Variants in PBX1 observed in about 807,000 individuals in gnomAD.
The protein encoded by PBX1 is PBX homeobox 1.
In PBX1, 6 loss-of-function variants were observed where a neutral mutation model predicts 53.4. The ratio of observed to expected loss-of-function variants is 0.11; its 90% CI spans 0.06 to 0.22. PBX1 has a LOEUF of 0.22. PBX1 is among the 10% of genes least tolerant of loss of function. The pLI is 1.00. For missense variants in PBX1, 251 were observed against 551.4 expected, an observed-to-expected ratio of 0.46 and a Z score of 5.46; for synonymous variants, 204 against 212.3, an observed-to-expected ratio of 0.96 and a Z score of 0.34.
chr1:164,761,437 T>A (rs1666805079), intron 2 of PBX1, among the ~76,000 whole-genome samples: 2 of 152,188 alleles, frequency 1.3e-5, no homozygotes, highest in Non-Finnish European at 1.5e-5. Context: ...TCGTCTTTCA[T>A]TGGGACATTA....
intron 2 of PBX1, among the ~76,000 whole-genome samples, chr1:164,791,220 T>C (rs1668490499): frequency 6.6e-6 from 1 of 151,366 alleles, no homozygotes; most frequent in African/African-American, 2.5e-5. Flanking sequence ...GGAGGTTGTC[T>C]GAAGGGGTAG....
chr1:164,867,965 TA>T (rs1672259119), intron 2 of PBX1, among the ~76,000 whole-genome samples: 1 of 152,206 alleles, frequency 6.6e-6, no homozygotes, highest in African/African-American at 2.4e-5. Context: ...ACACTCCTCC[TA>T]ATACCCGTCT....
intron 8 of PBX1, among the ~76,000 whole-genome samples, chr1:164,830,763 C>T (rs537496293): frequency 3.9e-5 from 6 of 152,264 alleles, no homozygotes; most frequent in South Asian, 2.1e-4. Flanking sequence ...GCCTCTGCCT[C>T]GCCGTTTCTT....
At position 164,848,579 on chromosome 1, in the gene PBX1, A is replaced by G; in HGVS notation, c.*1903A>G. The stretch of plus-strand genomic sequence containing the variant: ...CACCGTGATGACAAAGAGAAGAGTT[A>G]TTGTTGATCTTCTTGGTTTTGGTCT... On this transcript the variant is annotated 3_prime_UTR_variant, in exon 9 of 9. Transcript: ENST00000420696. 9.4e-7 allele frequency: 1 copy of G among 1,058,792 alleles called. No individual in the cohort carries two copies. The highest frequency in any genetic ancestry group is 1.1e-6 in the Non-Finnish European group (1 of 875,308). The allele number at this position is 1,058,792 out of a possible 1,614,324, so 65.6% of individuals were successfully genotyped here. A position where few individuals can be genotyped will look rare whatever the true frequency, so the allele number is the denominator to read the frequency against.
chr1:164,716,729 C>CACACACACACAG (rs796685795), intron 2 of PBX1, among the ~76,000 whole-genome samples: 9 of 140,374 alleles, frequency 6.4e-5, no homozygotes, highest in African/African-American at 2.3e-4. Context: ...CACACACACA[C>CACACACACACAG]AGAAATACAC....
intron 2 of PBX1, chr1:164,884,671 T>C (rs192292955): frequency 8.0e-5 from 28 of 349,490 alleles, no homozygotes; most frequent in Middle Eastern, 3.6e-4. Flanking sequence ...TACTGACTTT[T>C]GAAGAAGCAA....
intron 2 of PBX1, among the ~76,000 whole-genome samples, chr1:164,765,472 C>A: frequency 6.6e-6 from 1 of 152,148 alleles, no homozygotes; most frequent in East Asian, 1.9e-4. Context: ...CCTTCTGGTG[C>A]CAGATTTAAG....
chr1:164,596,452 A>G (rs1325204125), intron 2 of PBX1, among the ~76,000 whole-genome samples: 1 of 152,246 alleles, frequency 6.6e-6, no homozygotes, highest in African/African-American at 2.4e-5. Context: ...CAGTGGTTCT[A>G]ACCATGGGTG....
intron 2 of PBX1, among the ~76,000 whole-genome samples, chr1:164,620,911 G>T (rs182499379): frequency 3.1e-4 from 47 of 152,178 alleles, no homozygotes; most frequent in African/African-American, 1.1e-3. Flanking sequence ...TTGAACTCCT[G>T]ACCTCAGGTG....
chr1:164,817,008 G>T (rs2185217), intron 6 of PBX1: 73,466 of 151,868 alleles, frequency 0.48, 17,998 homozygotes, highest in South Asian at 0.58. Flanking sequence ...AAGTGATCCA[G>T]TATTTCTTCT....
chr1:164,629,448 A>T (rs531139382), intron 2 of PBX1, among the ~76,000 whole-genome samples: 8 of 152,214 alleles, frequency 5.3e-5, no homozygotes, highest in Non-Finnish European at 1.0e-4. Flanking sequence ...CAGCAGACCT[A>T]CCTTCTCCCT....
chr1:164,817,867 AT>A (rs1175599042), intron 6 of PBX1: 1 of 152,164 alleles, frequency 6.6e-6, no homozygotes, highest in Non-Finnish European at 1.5e-5. Context: ...TTTAGGCTAG[AT>A]TTACCACAGT....
intron 2 of PBX1, among the ~76,000 whole-genome samples, chr1:164,738,650 A>T (rs919220093): frequency 6.6e-6 from 1 of 152,212 alleles, no homozygotes; most frequent in African/African-American, 2.4e-5. Flanking sequence ...TTCTGGAAGG[A>T]GACCATATCA....
At chr1:164,696,363 T>A (rs2054921) in intron 2 of PBX1, among the ~76,000 whole-genome samples, 35,835 of 152,020 alleles carry the variant, frequency 0.24, 4,448 homozygotes, top group East Asian at 0.45. Context: ...TTCATTTATT[T>A]ATTTGGATTC....
chr1:164,577,020 T>C (rs146518269), intron 2 of PBX1: 37 of 152,372 alleles, frequency 2.4e-4, no homozygotes, highest in African/African-American at 7.7e-4. Context: ...TGTGTGTATG[T>C]GCTAACACGC....
chr1:164,749,685 G>A (rs1666093469), intron 2 of PBX1, among the ~76,000 whole-genome samples: 1 of 152,118 alleles, frequency 6.6e-6, no homozygotes, highest in Non-Finnish European at 1.5e-5. Flanking sequence ...ATGGGTGAGT[G>A]GATGGATGGA....
Position 164,623,976 on chromosome 1 carries a change from C to CA in PBX1, c.265+60666dup, listed in dbSNP as rs1294788650. On this transcript the variant is annotated intron_variant, in intron 2 of 8. Coordinates refer to ENST00000420696, the MANE Select transcript of PBX1 (RefSeq NM_002585.4). The stretch of plus-strand genomic sequence containing the variant: ...GAGCTGAGAATGGATGAGTGGAAAT[C>CA]AGACAGGGAGATAGAAGGAGGAAGT... Among the ~76,000 whole-genome samples, 5 of 152,210 alleles carry CA rather than the reference C, an allele frequency of 3.3e-5. No homozygotes were observed. In the East Asian group the frequency reaches 9.7e-4, roughly 30 times the overall value.
At chr1:164,653,250 A>T (rs1367758641) in intron 2 of PBX1, among the ~76,000 whole-genome samples, 1 of 151,636 alleles carries the variant, frequency 6.6e-6, no homozygotes, top group African/African-American at 2.4e-5. Context: ...CTTGAGATTT[A>T]TCTGTGTTAT....
intron 2 of PBX1, among the ~76,000 whole-genome samples, chr1:164,712,177 T>TAAAA (rs35903765): frequency 2.3e-5 from 3 of 129,020 alleles, no homozygotes; most frequent in African/African-American, 8.8e-5. Flanking sequence ...AAGAAGAGAT[T>TAAAA]AAAAAAAAAA....
Sources: gnomAD v4.1 joint callset for allele counts (sites outside exome capture counted in the v4.1 genomes callset) on GRCh38, gnomAD v4.1.1 for gene constraint, MANE v1.5 for transcripts, NCBI Gene and HGNC (gene_info 2026-07-23, HGNC 2026-07-21) for gene names.